The following DGKH variants were observed in gnomAD, a reference collection of about 807,000 sequenced individuals.
The protein encoded by DGKH is DAG kinase eta.
Under a neutral mutation model 159.3 loss-of-function variants are expected in DGKH, and 90 were observed. That is an observed-to-expected ratio of 0.57 (90% CI 0.48 to 0.67). The LOEUF is 0.67. Among genes scored for constraint, DGKH ranks in the 30% least tolerant of loss-of-function variants. The probability of loss-of-function intolerance (pLI) is 0.00; values close to 1 mark genes in which losing one functional copy is unlikely to be tolerated. For synonymous variants in DGKH, 536 were observed against 553.8 expected, an observed-to-expected ratio of 0.97 and a Z score of 0.45; for missense variants, 1,181 against 1,506.1, an observed-to-expected ratio of 0.78 and a Z score of 3.57.
At chr13:42,094,544 CAA>C in intron 1 of DGKH, among the ~76,000 whole-genome samples, 1 of 152,216 alleles carries the variant, frequency 6.6e-6, no homozygotes, top group South Asian at 2.1e-4. Context: ...TGATGTTTCA[CAA>C]AGAGTTTACA....
rs1187661117 is a variant in DGKH at position 42,239,399 on chromosome 13, G to C, written c.*10211G>C. The C allele has an allele frequency of 6.6e-6, 1 of 152,578 alleles. No homozygotes were observed. The highest frequency in any genetic ancestry group is 2.4e-5 in the African/African-American group (1 of 41,450). The allele number at this position is 152,578 out of a possible 1,614,324, so 9.5% of individuals were successfully genotyped here. ...TCTGCCAAGAAACTCATAAACTAAA[G>C]TATGGAATAACACAAATGCTTAATC... On this transcript the variant is annotated 3_prime_UTR_variant, in exon 30 of 30. Coordinates refer to ENST00000337343, the MANE Select transcript of DGKH (RefSeq NM_178009.5).
intron 21 of DGKH, among the ~76,000 whole-genome samples, chr13:42,206,974 T>TC (rs1957489983): frequency 2.3e-5 from 3 of 129,988 alleles, no homozygotes; most frequent in African/African-American, 8.2e-5. Context: ...GTACTTTTAC[T>TC]TTTTCTTTCT....
intron 1 of DGKH, among the ~76,000 whole-genome samples, chr13:42,060,218 C>T (rs534283969): frequency 4.7e-4 from 72 of 152,270 alleles, no homozygotes; most frequent in African/African-American, 1.7e-3. Context: ...GTTCTCTTAT[C>T]TTTCTTACTG....
intron 1 of DGKH, among the ~76,000 whole-genome samples, chr13:42,080,092 G>A (rs1459572579): frequency 6.6e-6 from 1 of 152,126 alleles, no homozygotes; most frequent in Non-Finnish European, 1.5e-5. Flanking sequence ...TATCTTTGAA[G>A]TTCAATAATT....
intron 7 of DGKH, among the ~76,000 whole-genome samples, chr13:42,162,197 C>T (rs896408691): frequency 2.6e-5 from 4 of 152,178 alleles, no homozygotes; most frequent in Non-Finnish European, 4.4e-5. Context: ...TGCCTGTTTA[C>T]ATATTATTTT....
intron 13 of DGKH, among the ~76,000 whole-genome samples, chr13:42,182,923 C>A (rs1488319778): frequency 4.1e-5 from 6 of 147,688 alleles, no homozygotes; most frequent in South Asian, 2.1e-4. Flanking sequence ...AAAAAAAAAA[C>A]CACACACACT....
chr13:42,156,467 C>T (rs1288281596), intron 5 of DGKH, among the ~76,000 whole-genome samples: 1 of 152,000 alleles, frequency 6.6e-6, no homozygotes, highest in African/African-American at 2.4e-5. Flanking sequence ...TCTCAAACTC[C>T]TGGGCTCAAG....
intron 16 of DGKH, among the ~76,000 whole-genome samples, chr13:42,191,848 C>A (rs988324299): frequency 2.6e-5 from 4 of 151,870 alleles, no homozygotes; most frequent in African/African-American, 9.7e-5. Flanking sequence ...ATTTAAAAAC[C>A]TGTTTTTATC....
At chr13:42,061,632 A>G (rs1488036859) in intron 1 of DGKH, among the ~76,000 whole-genome samples, 2 of 152,068 alleles carry the variant, frequency 1.3e-5, no homozygotes, top group Admixed American at 1.3e-4. Context: ...TCTCTTCTCC[A>G]TTCTCTACTC....
intron 18 of DGKH, 91 bp from the exon 19 acceptor site, chr13:42,199,475 T>A: frequency 1.2e-6 from 1 of 864,490 alleles, no homozygotes. Flanking sequence ...AATGAAAGCT[T>A]AAATGGTTTT....
chr13:42,254,413 C>A (rs543482013), intron 30 of DGKH, among the ~76,000 whole-genome samples: 1 of 152,094 alleles, frequency 6.6e-6, no homozygotes. Context: ...CACCTGATCA[C>A]CTGAGGTCAG....
intron 1 of DGKH, among the ~76,000 whole-genome samples, chr13:42,078,997 G>A (rs561352791): frequency 6.5e-4 from 86 of 131,608 alleles, no homozygotes; most frequent in African/African-American, 2.1e-3. Context: ...TGCAACCTCC[G>A]CCTTCTGGGT....
chr13:42,189,107 T>G lies in DGKH; in HGVS notation c.1710T>G (p.Val570=). 1 of 1,614,214 alleles carries G rather than the reference T, an allele frequency of 6.2e-7. No homozygotes were observed. Residue 570 remains valine (V), a synonymous_variant, in exon 15 of 30, where the codon GTT becomes GTG. Coordinates refer to ENST00000337343, the MANE Select transcript of DGKH (RefSeq NM_178009.5). ...ACACAGATTCCCAGGCTGCGCCTGT[T>G]CTCCCTGGCCTCAGCCCTCTCATTG... ...ALHTDSQAAP[V]LPGLSPLIVE... is the part of the protein sequence containing the mutation.
intron 23 of DGKH, among the ~76,000 whole-genome samples, 197 bp from the exon 24 acceptor site, chr13:42,210,405 G>A (rs1464843467): frequency 6.6e-6 from 1 of 152,084 alleles, no homozygotes; most frequent in African/African-American, 2.4e-5. Context: ...ACTTTTAAAT[G>A]ATGTATTCAT....
At chr13:42,151,752 A>C (rs1955910013) in intron 3 of DGKH, among the ~76,000 whole-genome samples, 1 of 151,796 alleles carries the variant, frequency 6.6e-6, no homozygotes, top group African/African-American at 2.4e-5. Context: ...GTTGTAATAA[A>C]CATATAAGTG....
chr13:42,110,392 A>C (rs1022606041), intron 1 of DGKH, among the ~76,000 whole-genome samples: 1 of 152,190 alleles, frequency 6.6e-6, no homozygotes, highest in African/African-American at 2.4e-5. Flanking sequence ...TTATTAGTTA[A>C]AAAAACAAAC....
At chr13:42,213,140 G>A (rs1957700779) in intron 24 of DGKH, among the ~76,000 whole-genome samples, 1 of 152,118 alleles carries the variant, frequency 6.6e-6, no homozygotes, top group Non-Finnish European at 1.5e-5. Context: ...AGCAAAGCTG[G>A]GGCAAGGTGA....
chr13:42,197,181 C>T lies in DGKH; in HGVS notation c.2168-1297C>T, dbSNP rs567471024. ...AGGATTATCCCTTGAAGCCGGGAGG[C>T]GGAGGTTGCAGTGATCTGAGATCAT... is the stretch of plus-strand genomic sequence containing the variant. On this transcript the variant is annotated intron_variant, in intron 17 of 29. Coordinates refer to ENST00000337343, the MANE Select transcript of DGKH (RefSeq NM_178009.5). Among the ~76,000 whole-genome samples the T allele has an allele frequency of 1.8e-4, 26 of 145,514 alleles. No homozygotes were observed. In the South Asian group the frequency reaches 2.7e-3, roughly 15 times the overall value.
intron 20 of DGKH, among the ~76,000 whole-genome samples, chr13:42,201,228 T>C (rs961803178): frequency 6.6e-6 from 1 of 152,148 alleles, no homozygotes; most frequent in Admixed American, 6.5e-5. Context: ...CTTGACCTCA[T>C]GGTCTGCCCG....
Sources: gnomAD v4.1 joint callset for allele counts (sites outside exome capture counted in the v4.1 genomes callset) on GRCh38, gnomAD v4.1.1 for gene constraint, MANE v1.5 for transcripts, NCBI Gene and HGNC (gene_info 2026-07-23, HGNC 2026-07-21) for gene names.